Variants in FAM107B observed in about 807,000 individuals in gnomAD.
FAM107B encodes family with sequence similarity 107 member B, also known as protein FAM107B.
In FAM107B, 21 loss-of-function variants were observed where a neutral mutation model predicts 31.5. The observed-to-expected ratio is 0.67, with a 90% CI of 0.47 to 0.96. The LOEUF (loss-of-function observed/expected upper bound fraction) is 0.96. FAM107B is among the 40% of genes least tolerant of loss of function. The probability of loss-of-function intolerance (pLI) is 0.00; values close to 1 mark genes in which losing one functional copy is unlikely to be tolerated. For missense variants in FAM107B, 452 were observed against 377.1 expected (o/e 1.20, Z -1.64); for synonymous variants, 157 against 141.5 (o/e 1.11, Z -0.78).
At chr10:14,705,430 T>C (rs1360323482) in intron 1 of FAM107B, among the ~76,000 whole-genome samples, 4 of 152,176 alleles carry the variant, frequency 2.6e-5, no homozygotes, top group African/African-American at 7.2e-5. Context: ...CTAGCAGCAT[T>C]GTCTACAATA....
At chr10:14,589,182 A>AG (rs1279974134) in intron 2 of FAM107B, among the ~76,000 whole-genome samples, 1 of 151,934 alleles carries the variant, frequency 6.6e-6, no homozygotes, top group Admixed American at 6.6e-5. Context: ...TCAAAAAAAA[A>AG]AAAAGAAAAG....
chr10:14,764,670 T>C (rs1490327823), intron 1 of FAM107B, among the ~76,000 whole-genome samples: 3 of 152,230 alleles, frequency 2.0e-5, no homozygotes, highest in African/African-American at 2.4e-5. Flanking sequence ...AGGTTAACCA[T>C]GTCTGTGGCT....
chr10:14,720,468 G>T (rs1299926698), intron 1 of FAM107B, among the ~76,000 whole-genome samples: 1 of 152,136 alleles, frequency 6.6e-6, no homozygotes, highest in East Asian at 1.9e-4. Flanking sequence ...TGGCCAGGCT[G>T]GTCTCGAACT....
intron 2 of FAM107B, among the ~76,000 whole-genome samples, chr10:14,645,895 T>G (rs1462083537): frequency 1.3e-5 from 2 of 152,150 alleles, no homozygotes; most frequent in Non-Finnish European, 2.9e-5. Context: ...ATTTTACAGT[T>G]TTGTTGTTTT....
intron 1 of FAM107B, among the ~76,000 whole-genome samples, chr10:14,772,733 A>G (rs904003807): frequency 2.6e-5 from 4 of 152,060 alleles, no homozygotes; most frequent in African/African-American, 9.7e-5. Context: ...TGGACCACCC[A>G]TGGCTTTGCT....
chr10:14,625,969 A>T (rs867617787), intron 2 of FAM107B, among the ~76,000 whole-genome samples: 2 of 152,106 alleles, frequency 1.3e-5, no homozygotes, highest in South Asian at 2.1e-4. Context: ...GTTAGAGAAC[A>T]TACAGCTTTG....
intron 1 of FAM107B, among the ~76,000 whole-genome samples, chr10:14,752,358 T>C (rs1200220759): frequency 6.6e-6 from 1 of 152,202 alleles, no homozygotes; most frequent in African/African-American, 2.4e-5. Flanking sequence ...GGCATCCAGC[T>C]TTGCAGTTTC....
At chr10:14,744,272 T>A (rs1402551310) in intron 1 of FAM107B, among the ~76,000 whole-genome samples, 1 of 152,170 alleles carries the variant, frequency 6.6e-6, no homozygotes, top group Non-Finnish European at 1.5e-5. Flanking sequence ...GTTTTTTAGA[T>A]ATAGGATCAT....
chr10:14,542,333 A>G (rs1174148960), intron 2 of FAM107B, among the ~76,000 whole-genome samples: 1 of 151,966 alleles, frequency 6.6e-6, no homozygotes, highest in African/African-American at 2.4e-5. Context: ...GAGTACCCAA[A>G]TGAAGGAACT....
intron 2 of FAM107B, among the ~76,000 whole-genome samples, chr10:14,549,875 C>A (rs773453514): frequency 6.6e-6 from 1 of 152,160 alleles, no homozygotes; most frequent in Non-Finnish European, 1.5e-5. Flanking sequence ...CCGCATCCTG[C>A]AAGTGAGCAT....
intron 2 of FAM107B, among the ~76,000 whole-genome samples, chr10:14,595,245 T>C (rs1852148379): frequency 6.6e-6 from 1 of 152,094 alleles, no homozygotes; most frequent in African/African-American, 2.4e-5. Flanking sequence ...AATAAAGCTA[T>C]GCTAACAACA....
At chr10:14,627,636 G>C (rs1853199132) in intron 2 of FAM107B, among the ~76,000 whole-genome samples, 1 of 152,160 alleles carries the variant, frequency 6.6e-6, no homozygotes, top group Admixed American at 6.5e-5. Context: ...AATTAGCCGT[G>C]GTTGAGCACA....
intron 2 of FAM107B, among the ~76,000 whole-genome samples, chr10:14,593,021 T>G (rs1852070582): frequency 6.6e-6 from 1 of 152,204 alleles, no homozygotes; most frequent in Admixed American, 6.5e-5. Context: ...TTGACCTCTT[T>G]CACTCATTTC....
intron 2 of FAM107B, among the ~76,000 whole-genome samples, chr10:14,582,812 A>G (rs1019530390): frequency 6.6e-6 from 1 of 152,000 alleles, no homozygotes; most frequent in Admixed American, 6.6e-5. Context: ...CTCGCCGGGC[A>G]TGGTGGCTTA....
intron 1 of FAM107B, among the ~76,000 whole-genome samples, chr10:14,747,819 C>G (rs902594624): frequency 2.6e-5 from 4 of 152,190 alleles, no homozygotes; most frequent in African/African-American, 9.7e-5. Flanking sequence ...CTCTGGCTGC[C>G]CCTTGGTGGA....
chr10:14,573,133 A>T (rs1452628472), intron 2 of FAM107B, among the ~76,000 whole-genome samples: 2 of 152,078 alleles, frequency 1.3e-5, no homozygotes, highest in African/African-American at 2.4e-5. Flanking sequence ...CTGCTCAGTC[A>T]GTGCACTGTG....
chr10:14,627,513 C>A (rs1461995991), intron 2 of FAM107B, among the ~76,000 whole-genome samples: 1 of 152,210 alleles, frequency 6.6e-6, no homozygotes, highest in African/African-American at 2.4e-5. Flanking sequence ...ATGGCTCACG[C>A]CTGTCATCCC....
At chr10:14,559,032 C>T (rs1011741509) in intron 2 of FAM107B, among the ~76,000 whole-genome samples, 3 of 151,646 alleles carry the variant, frequency 2.0e-5, no homozygotes, top group African/African-American at 7.3e-5. Flanking sequence ...ACCTCCATTT[C>T]CCTTCCAACG....
chr10:14,610,822 C>A (rs1358104620), intron 2 of FAM107B, among the ~76,000 whole-genome samples: 1 of 152,212 alleles, frequency 6.6e-6, no homozygotes, highest in African/African-American at 2.4e-5. Context: ...CAAAACAGAG[C>A]TGTATTTCAT....
Sources: allele counts gnomAD v4.1 joint callset (sites outside exome capture counted in the v4.1 genomes callset), GRCh38; gene constraint gnomAD v4.1.1; transcripts MANE v1.5; gene names NCBI Gene and HGNC (gene_info 2026-07-23, HGNC 2026-07-21).